MCTP2: variants seen among roughly 807,000 people sequenced by gnomAD.
MCTP2 encodes the protein multiple C2 and transmembrane domain-containing protein 2.
In MCTP2, 132 loss-of-function variants were observed where a neutral mutation model predicts 111.6. The observed-to-expected ratio is 1.18, with a 90% CI of 1.03 to 1.37. The LOEUF is 1.37. Among genes scored for constraint, MCTP2 ranks in the 40% most tolerant of loss-of-function variants. MCTP2 has a pLI of 0.00. For missense variants in MCTP2, 1,183 were observed against 1,067.9 expected, an observed-to-expected ratio of 1.11 and a Z score of -1.50; for synonymous variants, 395 against 387.7, an observed-to-expected ratio of 1.02 and a Z score of -0.22.
chr15:94,483,375 A>T lies in MCTP2; in HGVS notation c.*4341A>T, dbSNP rs1355277665. 1 of 152,242 alleles carries T rather than the reference A, an allele frequency of 6.6e-6. No individual in the cohort carries two copies. The highest frequency in any genetic ancestry group is 2.4e-5 in the African/African-American group (1 of 41,460). 9.4% of individuals were successfully genotyped at this position (152,242 alleles called of 1,614,324 possible). A position where few individuals can be genotyped will look rare whatever the true frequency, so the allele number is the denominator to read the frequency against. On this transcript the variant is annotated 3_prime_UTR_variant, in exon 23 of 23. Transcript: ENST00000357742. ...TGGGTATGTACCCAAAGGAATATAA[A>T]TTGTTCTACTATAAAAACACATGCA...
chr15:94,317,693 C>G (rs1287325260), intron 4 of MCTP2, among the ~76,000 whole-genome samples: 1 of 152,200 alleles, frequency 6.6e-6, no homozygotes, highest in African/African-American at 2.4e-5. Flanking sequence ...TTTGCTGTGA[C>G]TCTCTACTGC....
At chr15:94,400,048 C>G in intron 16 of MCTP2, 53 bp downstream of exon 16, 3 of 1,478,914 alleles carry the variant, frequency 2.0e-6, no homozygotes, top group Non-Finnish European at 2.8e-6. Flanking sequence ...CACCCAGCAG[C>G]TGAAGTATTA....
In MCTP2 at chr15:94,340,853, T is replaced by C; in HGVS notation, c.898T>C (p.Leu300=). Residue 300 remains leucine (L), a synonymous_variant, in exon 7 of 23, where the codon TTA becomes CTA. Coordinates refer to ENST00000357742, the MANE Select transcript of MCTP2 (RefSeq NM_001385001.1). The part of the protein sequence containing the change: ...HILKLEDPNS[L]EDDMGVIVLN... Reference sequence around the variant, plus strand: ...TTTAAAACTGGAAGATCCAAACAGTTTAGAAGATGACATGGGAGTGATCGT... The same window carrying C: ...TTTAAAACTGGAAGATCCAAACAGTCTAGAAGATGACATGGGAGTGATCGT... 6.2e-7 allele frequency: 1 copy of C among 1,613,100 alleles called. No individual in the cohort carries two copies. Among genetic ancestry groups the C allele is most frequent in the Non-Finnish European group, 8.5e-7 (1 of 1,179,312 alleles).
intron 12 of MCTP2, among the ~76,000 whole-genome samples, chr15:94,380,808 A>C (rs149387535): frequency 1.3e-5 from 2 of 152,270 alleles, no homozygotes; most frequent in Admixed American, 6.5e-5. Context: ...ATGATATGAC[A>C]ATTGTAACAC....
At chr15:94,396,168 GAGTGA>G (rs1349184807) in intron 14 of MCTP2, among the ~76,000 whole-genome samples, 1 of 152,158 alleles carries the variant, frequency 6.6e-6, no homozygotes, top group African/African-American at 2.4e-5. Flanking sequence ...ACTCATATTT[GAGTGA>G]AGTGAAGTCC....
intron 10 of MCTP2, 140 bp downstream of exon 10, chr15:94,358,752 G>A: frequency 3.2e-6 from 3 of 926,954 alleles, no homozygotes; most frequent in South Asian, 3.8e-5. Flanking sequence ...TGGATGGCCA[G>A]TCCTAACTGG....
chr15:94,283,958 G>A (rs1041728859), intron 1 of MCTP2, among the ~76,000 whole-genome samples: 7 of 151,976 alleles, frequency 4.6e-5, no homozygotes, highest in South Asian at 2.1e-4. Context: ...ATCCCCTTTC[G>A]TCATTTCAGA....
At position 94,393,548 on chromosome 15, in the gene MCTP2, A is replaced by G. The variant is rs78068153; in HGVS notation, c.1789-5413A>G. 3.7e-4 allele frequency among the ~76,000 whole-genome samples: 57 copies of G among 152,282 alleles called. No individual in the cohort carries two copies. The East Asian group carries it at 0.01, about 28-fold the overall frequency. Reference sequence around the variant, plus strand: ...AATAGTGGGGAAATCCTATGTAAGTAAACTGAGAAGCAGGAATAATAAGAG... The same window carrying G: ...AATAGTGGGGAAATCCTATGTAAGTGAACTGAGAAGCAGGAATAATAAGAG... On this transcript the variant is annotated intron_variant, in intron 14 of 22. Coordinates refer to ENST00000357742, the MANE Select transcript of MCTP2 (RefSeq NM_001385001.1).
intron 1 of MCTP2, among the ~76,000 whole-genome samples, chr15:94,243,223 G>C (rs1014450857): frequency 7.4e-5 from 11 of 148,322 alleles, no homozygotes; most frequent in Admixed American, 2.0e-4. Context: ...ATATACATAC[G>C]TATGCGTACA....
Position 94,260,023 on chromosome 15 carries a change from C to G in MCTP2, c.-66+28359C>G, listed in dbSNP as rs117325146. Among the ~76,000 whole-genome samples, 85 of 152,278 alleles carry G rather than the reference C, an allele frequency of 5.6e-4. No homozygotes were observed. The East Asian group carries it at 0.013, about 23-fold the overall frequency. On this transcript the variant is annotated intron_variant, in intron 1 of 22. Transcript: ENST00000357742. Reference sequence around the variant, plus strand: ...CCCTGTTCTTAATCTCCTTCAACCACTTTCTCTTCCCCTTTGGCTGTTCAC... The same window carrying G: ...CCCTGTTCTTAATCTCCTTCAACCAGTTTCTCTTCCCCTTTGGCTGTTCAC...
chr15:94,327,519 T>A (rs1290666398), intron 4 of MCTP2, among the ~76,000 whole-genome samples: 1 of 152,218 alleles, frequency 6.6e-6, no homozygotes, highest in East Asian at 1.9e-4. Context: ...GGGATTTGCT[T>A]CTCATTGGAG....
At chr15:94,352,942 C>T (rs59915516) in intron 8 of MCTP2, among the ~76,000 whole-genome samples, 20,637 of 152,218 alleles carry the variant, frequency 0.14, 1,800 homozygotes, top group East Asian at 0.23. Flanking sequence ...CTTTAAAGTA[C>T]ACCTCCTCCA....
chr15:94,440,323 CAT>C, intron 18 of MCTP2, 25 bp downstream of exon 18: 1 of 1,612,480 alleles, frequency 6.2e-7, no homozygotes, highest in Non-Finnish European at 8.5e-7. Flanking sequence ...GGAGTTCTGA[CAT>C]TTGACTGCCG....
At chr15:94,350,284 C>CA (rs1411286579) in intron 8 of MCTP2, among the ~76,000 whole-genome samples, 4 of 152,114 alleles carry the variant, frequency 2.6e-5, no homozygotes, top group African/African-American at 9.7e-5. Context: ...GCTCTGGGTG[C>CA]AAAACATAAA....
intron 2 of MCTP2, among the ~76,000 whole-genome samples, chr15:94,311,735 T>C (rs1047349964): frequency 2.6e-5 from 4 of 152,220 alleles, no homozygotes; most frequent in Non-Finnish European, 5.9e-5. Flanking sequence ...TCACATTGAA[T>C]TTCCTTGTTG....
intron 1 of MCTP2, among the ~76,000 whole-genome samples, chr15:94,276,396 C>G (rs768076194): frequency 9.9e-5 from 15 of 151,996 alleles, no homozygotes; most frequent in African/African-American, 3.4e-4. Context: ...ATGAAAAATT[C>G]AATTCAATCA....
intron 17 of MCTP2, among the ~76,000 whole-genome samples, chr15:94,411,221 A>G (rs966309406): frequency 6.6e-6 from 1 of 151,856 alleles, no homozygotes; most frequent in African/African-American, 2.4e-5. Flanking sequence ...CCAATTCCTT[A>G]TGTAGGTTTT....
chr15:94,460,682 C>A (rs781435443), intron 20 of MCTP2, among the ~76,000 whole-genome samples: 5 of 152,192 alleles, frequency 3.3e-5, no homozygotes, highest in Non-Finnish European at 7.3e-5. Flanking sequence ...TTTAAACAGG[C>A]TCCCAACCCT....
At position 94,298,181 on chromosome 15, in the gene MCTP2, TG is replaced by T. The variant is rs1275601370; in HGVS notation, c.-65-19del. ...TTTTTTTTGTTTGTTTGTTTTTTGT[TG>T]TTTTTTTCTGTTTTATAGGAGTCAT... is the stretch of plus-strand genomic sequence containing the variant. On this transcript the variant is annotated intron_variant, in intron 1 of 22. Transcript: ENST00000357742. 5.0e-6 allele frequency: 5 copies of T among 999,420 alleles called. No individual in the cohort carries two copies. The highest frequency in any genetic ancestry group is 2.9e-4 in the Middle Eastern group (1 of 3,492). The allele number at this position is 999,420 out of a possible 1,614,324, so 61.9% of individuals were successfully genotyped here.
Sources: gnomAD v4.1 joint callset for allele counts (sites outside exome capture counted in the v4.1 genomes callset) on GRCh38, gnomAD v4.1.1 for gene constraint, MANE v1.5 for transcripts, NCBI Gene and HGNC (gene_info 2026-07-23, HGNC 2026-07-21) for gene names.